ZBTB7C: variants seen among roughly 807,000 people sequenced by gnomAD.
The protein encoded by ZBTB7C is zinc finger and BTB domain-containing protein 7C.
Under a neutral mutation model 25.7 loss-of-function variants are expected in ZBTB7C, and 8 were observed. The observed-to-expected ratio is 0.31, with a 90% CI of 0.18 to 0.56. ZBTB7C has a LOEUF of 0.56. Among genes scored for constraint, ZBTB7C ranks in the 20% least tolerant of loss-of-function variants. ZBTB7C has a pLI of 0.91. For missense variants in ZBTB7C, 824 were observed against 855.2 expected, an observed-to-expected ratio of 0.96 and a Z score of 0.46; for synonymous variants, 394 against 369.0, an observed-to-expected ratio of 1.07 and a Z score of -0.78.
intron 2 of ZBTB7C, among the ~76,000 whole-genome samples, chr18:48,216,178 A>G (rs905428324): frequency 6.6e-6 from 1 of 152,222 alleles, no homozygotes; most frequent in African/African-American, 2.4e-5. Context: ...GGTTTATACC[A>G]GCCATGGGGC....
At chr18:48,325,818 T>C (rs4940355) in intron 2 of ZBTB7C, among the ~76,000 whole-genome samples, 76,659 of 151,960 alleles carry the variant, frequency 0.5, 19,721 homozygotes, top group East Asian at 0.77. Flanking sequence ...GGAGGGTCAC[T>C]TAGTTCACCA....
At chr18:48,166,300 C>CTATT (rs200053973) in intron 3 of ZBTB7C, among the ~76,000 whole-genome samples, 78 of 152,258 alleles carry the variant, frequency 5.1e-4, no homozygotes, top group East Asian at 4.6e-3. Context: ...TTTGCTTCTT[C>CTATT]TATTTATTTA....
At chr18:48,146,614 C>T (rs182761445) in intron 3 of ZBTB7C, among the ~76,000 whole-genome samples, 31 of 152,216 alleles carry the variant, frequency 2.0e-4, no homozygotes, top group South Asian at 4.1e-4. Context: ...ACACTCTAAA[C>T]GAAATCTTGA....
At chr18:48,197,562 G>C (rs1356366583) in intron 2 of ZBTB7C, among the ~76,000 whole-genome samples, 1 of 152,196 alleles carries the variant, frequency 6.6e-6, no homozygotes, top group African/African-American at 2.4e-5. Flanking sequence ...CATAAACTGT[G>C]TGACTTTAAC....
chr18:48,380,594 C>T (rs1219603082), intron 1 of ZBTB7C, among the ~76,000 whole-genome samples: 3 of 152,128 alleles, frequency 2.0e-5, no homozygotes, highest in Admixed American at 2.0e-4. Context: ...GCAATGACAA[C>T]CCAGTAGCAA....
intron 3 of ZBTB7C, among the ~76,000 whole-genome samples, chr18:48,155,912 A>C (rs918780681): frequency 6.6e-6 from 1 of 152,208 alleles, no homozygotes; most frequent in Non-Finnish European, 1.5e-5. Flanking sequence ...AAGAATACTC[A>C]GCCTGTCAAA....
At chr18:48,064,817 T>G (rs6507798) in intron 3 of ZBTB7C, among the ~76,000 whole-genome samples, 3 of 150,084 alleles carry the variant, frequency 2.0e-5, no homozygotes, top group East Asian at 2.0e-4. Context: ...CCGGGAGGAG[T>G]AGGATGCAGG....
chr18:48,077,243 T>C (rs947332815), intron 3 of ZBTB7C, among the ~76,000 whole-genome samples: 1 of 152,116 alleles, frequency 6.6e-6, no homozygotes, highest in African/African-American at 2.4e-5. Context: ...ATAAAAGTCA[T>C]GGTGACTATA....
intron 3 of ZBTB7C, among the ~76,000 whole-genome samples, chr18:48,058,894 C>T (rs750045552): frequency 1.2e-4 from 18 of 152,184 alleles, no homozygotes; most frequent in South Asian, 1.0e-3. Flanking sequence ...CTCCCATCAA[C>T]GGCCAGCACA....
intron 3 of ZBTB7C, among the ~76,000 whole-genome samples, chr18:48,052,195 T>C (rs7240386): frequency 0.25 from 37,437 of 152,108 alleles, 4,954 homozygotes; most frequent in South Asian, 0.34. Flanking sequence ...CCTTCTGGTG[T>C]TGGATGGCTC....
intron 3 of ZBTB7C, among the ~76,000 whole-genome samples, chr18:48,160,729 G>T (rs1301686960): frequency 6.6e-6 from 1 of 152,128 alleles, no homozygotes; most frequent in Non-Finnish European, 1.5e-5. Context: ...ACCTGAAAAT[G>T]TAAGAACTCA....
chr18:48,088,662 T>C (rs955987684), intron 3 of ZBTB7C, among the ~76,000 whole-genome samples: 2 of 62,994 alleles, frequency 3.2e-5, no homozygotes, highest in African/African-American at 1.4e-4. Flanking sequence ...ACCCTGTATC[T>C]ACTAAAAATA....
chr18:48,142,041 A>C (rs1568252030), intron 3 of ZBTB7C, among the ~76,000 whole-genome samples: 1 of 152,370 alleles, frequency 6.6e-6, no homozygotes, highest in East Asian at 1.9e-4. Context: ...GCTACACTTT[A>C]ACAGCCCTTT....
At chr18:48,266,132 T>C (rs4939769) in intron 2 of ZBTB7C, among the ~76,000 whole-genome samples, 73,078 of 152,018 alleles carry the variant, frequency 0.48, 17,890 homozygotes, top group African/African-American at 0.57. Flanking sequence ...TTTGAGATTG[T>C]TTCAAAATTT....
intron 3 of ZBTB7C, among the ~76,000 whole-genome samples, chr18:48,071,951 G>A (rs1322575654): frequency 6.6e-6 from 1 of 152,198 alleles, no homozygotes; most frequent in Non-Finnish European, 1.5e-5. Flanking sequence ...GAGGTGTGGC[G>A]AGTTAGTGTT....
intron 3 of ZBTB7C, among the ~76,000 whole-genome samples, chr18:48,174,442 G>A (rs956452766): frequency 7.9e-5 from 12 of 152,312 alleles, no homozygotes; most frequent in African/African-American, 2.6e-4. Flanking sequence ...TGACAATAAC[G>A]TCTGTTGGCA....
intron 2 of ZBTB7C, among the ~76,000 whole-genome samples, chr18:48,308,995 G>C (rs1323587979): frequency 6.6e-6 from 1 of 152,198 alleles, no homozygotes; most frequent in Non-Finnish European, 1.5e-5. Context: ...AGAAGGTGAG[G>C]TCTACCTGAA....
intron 2 of ZBTB7C, among the ~76,000 whole-genome samples, chr18:48,298,693 G>C (rs1273329670): frequency 2.0e-5 from 3 of 152,178 alleles, no homozygotes; most frequent in Non-Finnish European, 4.4e-5. Context: ...TGCCCAGCAG[G>C]CTGACCCACC....
intron 3 of ZBTB7C, among the ~76,000 whole-genome samples, chr18:48,088,834 A>G (rs572783504): frequency 2.0e-5 from 3 of 147,932 alleles, no homozygotes; most frequent in African/African-American, 8.0e-5. Context: ...TGTCTCAGAA[A>G]AAATAAAAAT....
Sources: gnomAD v4.1 joint callset for allele counts (sites outside exome capture counted in the v4.1 genomes callset) on GRCh38, gnomAD v4.1.1 for gene constraint, MANE v1.5 for transcripts, NCBI Gene and HGNC (gene_info 2026-07-23, HGNC 2026-07-21) for gene names.